FAF1: variants seen among roughly 807,000 people sequenced by gnomAD.
FAF1 encodes Fas associated factor 1.
FAF1 carries 25 observed loss-of-function variants against 92.5 expected under a neutral mutation model. The observed-to-expected ratio is 0.27, with a 90% confidence interval of 0.20 to 0.38. The LOEUF (loss-of-function observed/expected upper bound fraction) is 0.38. Among genes scored for constraint, FAF1 ranks in the 10% least tolerant of loss-of-function variants. FAF1 has a pLI of 1.00. For missense variants in FAF1, 636 were observed against 793.3 expected, an observed-to-expected ratio of 0.80 and a Z score of 2.38; for synonymous variants, 234 against 273.2, an observed-to-expected ratio of 0.86 and a Z score of 1.42.
intron 7 of FAF1, among the ~76,000 whole-genome samples, chr1:50,689,705 G>C (rs988582186): frequency 6.6e-6 from 1 of 152,242 alleles, no homozygotes; most frequent in African/African-American, 2.4e-5. Flanking sequence ...ATCCATTAAT[G>C]AATGAACAAA....
At chr1:50,721,574 A>C (rs2124455047) in intron 6 of FAF1, among the ~76,000 whole-genome samples, 1 of 152,178 alleles carries the variant, frequency 6.6e-6, no homozygotes, top group East Asian at 1.9e-4. Flanking sequence ...GTTTTCAAAA[A>C]ACTTATTTAC....
intron 4 of FAF1, among the ~76,000 whole-genome samples, chr1:50,761,336 G>T (rs1396922716): frequency 9.2e-5 from 14 of 152,108 alleles, no homozygotes; most frequent in Admixed American, 4.6e-4. Flanking sequence ...TAACTCATTT[G>T]ATGAGGCCAG....
At chr1:50,452,442 A>G (rs1008519664) in intron 18 of FAF1, among the ~76,000 whole-genome samples, 1 of 152,162 alleles carries the variant, frequency 6.6e-6, no homozygotes, top group African/African-American at 2.4e-5. Flanking sequence ...TCTGACTCTG[A>G]GCAGCCTAGT....
chr1:50,713,904 G>C (rs1410198828), intron 6 of FAF1, among the ~76,000 whole-genome samples: 1 of 150,180 alleles, frequency 6.7e-6, no homozygotes, highest in African/African-American at 2.4e-5. Flanking sequence ...CTCCCACGTA[G>C]CTGGGTTTAC....
chr1:50,506,301 T>C (rs1265716996), intron 15 of FAF1, among the ~76,000 whole-genome samples: 2 of 152,214 alleles, frequency 1.3e-5, no homozygotes, highest in Admixed American at 6.5e-5. Context: ...TTAGATACTT[T>C]TATCAGCTTC....
chr1:50,826,719 C>A (rs1480667743), intron 2 of FAF1, among the ~76,000 whole-genome samples: 7 of 151,968 alleles, frequency 4.6e-5, no homozygotes, highest in Admixed American at 4.6e-4. Flanking sequence ...ATATTATGAA[C>A]TTTATGCCAA....
At chr1:50,642,136 G>A (rs1221017348) in intron 8 of FAF1, among the ~76,000 whole-genome samples, 3 of 151,236 alleles carry the variant, frequency 2.0e-5, no homozygotes, top group Admixed American at 6.6e-5. Flanking sequence ...CCTGGAGGCG[G>A]AGGTTGCAGT....
intron 2 of FAF1, among the ~76,000 whole-genome samples, chr1:50,833,167 A>G (rs1644169991): frequency 6.6e-6 from 1 of 152,068 alleles, no homozygotes; most frequent in South Asian, 2.1e-4. Context: ...AGTCCACAAG[A>G]TTGCCCTCAC....
At chr1:50,932,849 C>T (rs1213920386) in intron 1 of FAF1, among the ~76,000 whole-genome samples, 1 of 152,234 alleles carries the variant, frequency 6.6e-6, no homozygotes, top group East Asian at 1.9e-4. Context: ...CTTCTGAAAT[C>T]GAGGCAGAAG....
chr1:50,871,146 T>C (rs1644524622), intron 1 of FAF1, among the ~76,000 whole-genome samples: 1 of 152,218 alleles, frequency 6.6e-6, no homozygotes, highest in Non-Finnish European at 1.5e-5. Flanking sequence ...CTTGCTTACA[T>C]TCTACGACAC....
chr1:50,697,904 GT>G (rs1657303791), intron 7 of FAF1, among the ~76,000 whole-genome samples: 1 of 152,076 alleles, frequency 6.6e-6, no homozygotes, highest in Non-Finnish European at 1.5e-5. Flanking sequence ...CAAAAAGTAT[GT>G]TTGAAAAAGA....
intron 7 of FAF1, among the ~76,000 whole-genome samples, chr1:50,701,195 A>T (rs1325862220): frequency 1.3e-5 from 2 of 152,080 alleles, no homozygotes. Context: ...AAACTATAAT[A>T]TATGTTAATT....
rs1647072252 is a variant in FAF1, at chr1:50,507,439, A to G, written c.1495-15638T>C. ...TTTTTACGGGGACTAGTTAGGCACT[A>G]GGAAGATGTTAAGAATCTGCCAGGT... On this transcript the variant is annotated intron_variant, in intron 15 of 18. Transcript: ENST00000396153. 2.6e-5 allele frequency among the ~76,000 whole-genome samples: 4 copies of G among 152,230 alleles called. No homozygotes were observed. In the South Asian group the frequency reaches 8.3e-4, roughly 32 times the overall value.
chr1:50,574,123 C>G (rs191210836), intron 12 of FAF1, among the ~76,000 whole-genome samples: 1 of 152,182 alleles, frequency 6.6e-6, no homozygotes, highest in Admixed American at 6.5e-5. Context: ...GAGACTCTGT[C>G]TAAAAAAAGA....
intron 2 of FAF1, among the ~76,000 whole-genome samples, chr1:50,822,187 T>A (rs571887045): frequency 5.9e-5 from 9 of 152,070 alleles, no homozygotes; most frequent in South Asian, 4.1e-4. Context: ...ATGTAAGAAA[T>A]GTAACCATTC....
intron 13 of FAF1, among the ~76,000 whole-genome samples, chr1:50,560,911 T>C (rs1350640216): frequency 6.6e-6 from 1 of 152,250 alleles, no homozygotes; most frequent in Non-Finnish European, 1.5e-5. Flanking sequence ...CAGCTCAGCC[T>C]GGAGGGCACA....
intron 8 of FAF1, among the ~76,000 whole-genome samples, chr1:50,609,403 G>A (rs1652590107): frequency 6.6e-6 from 1 of 152,086 alleles, no homozygotes; most frequent in Non-Finnish European, 1.5e-5. Context: ...GTATTTATTT[G>A]AGGCAAGGTC....
At chr1:50,837,102 C>A (rs1644214064) in intron 2 of FAF1, among the ~76,000 whole-genome samples, 1 of 151,692 alleles carries the variant, frequency 6.6e-6, no homozygotes, top group Non-Finnish European at 1.5e-5. Context: ...GGACTACAGG[C>A]ACCCGCCACC....
chr1:50,668,756 C>G (rs908426837), intron 7 of FAF1, among the ~76,000 whole-genome samples: 1 of 152,092 alleles, frequency 6.6e-6, no homozygotes, highest in Non-Finnish European at 1.5e-5. Flanking sequence ...TTAGGGCTGG[C>G]TCTGAAATGT....
Sources: allele counts gnomAD v4.1 joint callset (sites outside exome capture counted in the v4.1 genomes callset), GRCh38; gene constraint gnomAD v4.1.1; transcripts MANE v1.5; gene names NCBI Gene and HGNC (gene_info 2026-07-23, HGNC 2026-07-21).